Variants in NTM observed in about 807,000 individuals in gnomAD.
NTM encodes the protein neurotrimin, also known as IgLON family member 2.
A neutral mutation model predicts 42.1 loss-of-function variants in NTM; 13 were observed. The ratio of observed to expected loss-of-function variants is 0.31; its 90% confidence interval spans 0.20 to 0.49. The LOEUF (loss-of-function observed/expected upper bound fraction) is 0.49, where lower values mean the gene tolerates loss of function less well. Ranked by LOEUF, NTM falls within the 20% of genes least tolerant of loss-of-function variation. NTM has a pLI of 0.99. For synonymous variants in NTM, 187 were observed against 179.2 expected, an observed-to-expected ratio of 1.04 and a Z score of -0.35; for missense variants, 373 against 452.8, an observed-to-expected ratio of 0.82 and a Z score of 1.60.
intron 1 of NTM, among the ~76,000 whole-genome samples, chr11:131,807,351 G>A (rs2136281155): frequency 6.6e-6 from 1 of 152,228 alleles, no homozygotes; most frequent in South Asian, 2.1e-4. Context: ...GGAGGGACTG[G>A]AGACAAGAAA....
intron 4 of NTM, among the ~76,000 whole-genome samples, chr11:132,229,977 G>A (rs376896826): frequency 2.0e-4 from 31 of 152,332 alleles, no homozygotes; most frequent in East Asian, 9.6e-4. Context: ...GGCAACTGCC[G>A]TCATAGAATC....
rs143781859 is a variant in NTM, at chr11:131,636,592, T to C, written c.82+265704T>C. Among the ~76,000 whole-genome samples, 730 of 152,284 alleles carry C rather than the reference T, an allele frequency of 4.8e-3. 6 individuals are homozygous for C. The highest frequency in any genetic ancestry group is 0.017 in the African/African-American group (692 of 41,572). The stretch of plus-strand genomic sequence containing the variant: ...CTGCCTGGCATCTGTGAAGTTCTTT[T>C]GAAACGTGTGCTTGCAGTCGCCCCT... On this transcript the variant is annotated intron_variant, in intron 1 of 8. Coordinates refer to ENST00000683400, the MANE Select transcript of NTM (RefSeq NM_001352005.2).
chr11:131,934,891 A>G (rs1046777474), intron 2 of NTM, among the ~76,000 whole-genome samples: 1 of 152,156 alleles, frequency 6.6e-6, no homozygotes, highest in African/African-American at 2.4e-5. Context: ...ATCTCTTTTC[A>G]TTGTGCAAGA....
In NTM at chr11:131,868,913, C is replaced by CT; in HGVS notation, c.83-42648dup. 2.6e-5 allele frequency among the ~76,000 whole-genome samples: 4 copies of CT among 152,300 alleles called. No homozygotes were observed. The Middle Eastern group carries it at 0.014, about 518-fold the overall frequency. The stretch of plus-strand genomic sequence containing the variant: ...CCCTCTGTCTTGAAGAGACTCACCA[C>CT]TTTGTTTTCCCACTACTGTTGCATA... On this transcript the variant is annotated intron_variant, in intron 1 of 8. Transcript: ENST00000683400.
intron 2 of NTM, among the ~76,000 whole-genome samples, chr11:131,959,043 CA>C (rs1474878468): frequency 1.3e-5 from 2 of 152,178 alleles, no homozygotes; most frequent in East Asian, 3.8e-4. Flanking sequence ...CGTGGCACAG[CA>C]GGCAGCATGA....
At chr11:131,373,485 G>C (rs1313667941) in intron 1 of NTM, among the ~76,000 whole-genome samples, 2 of 151,998 alleles carry the variant, frequency 1.3e-5, no homozygotes, top group Non-Finnish European at 2.9e-5. Flanking sequence ...GGTAGGGAGG[G>C]GGGTTTCTGA....
chr11:131,464,116 G>A (rs879412686), intron 1 of NTM, among the ~76,000 whole-genome samples: 1 of 152,210 alleles, frequency 6.6e-6, no homozygotes, highest in Non-Finnish European at 1.5e-5. Flanking sequence ...TGAGGGAGGA[G>A]GGTGCAGAGG....
intron 1 of NTM, among the ~76,000 whole-genome samples, chr11:131,593,113 T>C (rs1049027117): frequency 2.6e-5 from 4 of 152,110 alleles, no homozygotes; most frequent in African/African-American, 9.7e-5. Flanking sequence ...AAGCAAACTA[T>C]TATTTATTTC....
chr11:131,492,580 G>T (rs753534058), intron 1 of NTM, among the ~76,000 whole-genome samples: 1 of 152,122 alleles, frequency 6.6e-6, no homozygotes, highest in Admixed American at 6.6e-5. Context: ...CCATGGCCCC[G>T]GTCTACCTGC....
At chr11:132,304,868 T>A (rs1436453121) in intron 4 of NTM, among the ~76,000 whole-genome samples, 1 of 152,192 alleles carries the variant, frequency 6.6e-6, no homozygotes, top group African/African-American at 2.4e-5. Context: ...CCAGGGAACA[T>A]AGGAAAGTAG....
chr11:131,515,509 A>G (rs907759771), intron 1 of NTM, among the ~76,000 whole-genome samples: 10 of 152,226 alleles, frequency 6.6e-5, no homozygotes, highest in African/African-American at 2.4e-4. Context: ...TTGAAGGTGA[A>G]CTACAGAGCT....
At chr11:131,546,071 G>A (rs545627719) in intron 1 of NTM, among the ~76,000 whole-genome samples, 6 of 152,108 alleles carry the variant, frequency 3.9e-5, no homozygotes, top group Admixed American at 1.3e-4. Flanking sequence ...TACTTTTATC[G>A]AAAGAAACAC....
intron 1 of NTM, among the ~76,000 whole-genome samples, chr11:131,761,028 G>C (rs917402228): frequency 2.0e-5 from 3 of 147,730 alleles, no homozygotes; most frequent in African/African-American, 7.3e-5. Flanking sequence ...AAACCACCGG[G>C]ATGGAGGGAC....
intron 3 of NTM, among the ~76,000 whole-genome samples, chr11:132,158,929 T>G (rs546917610): frequency 6.6e-6 from 1 of 152,150 alleles, no homozygotes; most frequent in African/African-American, 2.4e-5. Context: ...ACAGGAATGA[T>G]AGAGGCGCAC....
chr11:131,781,950 G>A (rs1379527940), intron 1 of NTM, among the ~76,000 whole-genome samples: 2 of 152,190 alleles, frequency 1.3e-5, no homozygotes, highest in Non-Finnish European at 2.9e-5. Context: ...AACACAAAGA[G>A]GCATTAGCAC....
At chr11:131,411,540 CGTGTGTGTGTGTGTGTGTGT>C (rs5795724) in intron 1 of NTM, among the ~76,000 whole-genome samples, 20 of 129,766 alleles carry the variant, frequency 1.5e-4, no homozygotes, top group East Asian at 1.5e-3. Flanking sequence ...TAGGGGGGGC[CGTGTGTGTGTGTGTGTGTGT>C]GTGTGTGTGT....
intron 1 of NTM, chr11:131,502,814 A>G (rs2047003241): frequency 6.6e-6 from 1 of 152,260 alleles, no homozygotes; most frequent in African/African-American, 2.4e-5. Context: ...GCTGTGTAAC[A>G]CAGCATCTGA....
At chr11:131,883,202 A>G (rs759339828) in intron 1 of NTM, among the ~76,000 whole-genome samples, 2 of 152,216 alleles carry the variant, frequency 1.3e-5, no homozygotes, top group Admixed American at 6.5e-5. Flanking sequence ...TAACCTTTTC[A>G]TGCCAATTAT....
chr11:131,980,141 A>G (rs1342697927), intron 2 of NTM, among the ~76,000 whole-genome samples: 1 of 152,232 alleles, frequency 6.6e-6, no homozygotes, highest in African/African-American at 2.4e-5. Flanking sequence ...GGAAAATTCA[A>G]GGTATCACTA....
Sources: gnomAD v4.1 joint callset for allele counts (sites outside exome capture counted in the v4.1 genomes callset) on GRCh38, gnomAD v4.1.1 for gene constraint, MANE v1.5 for transcripts, NCBI Gene and HGNC (gene_info 2026-07-23, HGNC 2026-07-21) for gene names.